Variants in DAB1 observed in about 807,000 individuals in gnomAD.
The protein encoded by DAB1 is disabled homolog 1.
A neutral mutation model predicts 64.6 loss-of-function variants in DAB1; 15 were observed. The observed-to-expected ratio is 0.23, with a 90% CI of 0.16 to 0.36. The LOEUF is 0.36. Ranked by LOEUF, DAB1 falls within the 10% of genes least tolerant of loss-of-function variation. The pLI is 1.00. For missense variants in DAB1, 596 were observed against 706.7 expected (o/e 0.84, Z 1.78); for synonymous variants, 235 against 251.9 (o/e 0.93, Z 0.64).
chr1:57,914,408 C>T (rs1203563700), intron 5 of DAB1, among the ~76,000 whole-genome samples: 2 of 141,614 alleles, frequency 1.4e-5, no homozygotes, highest in Non-Finnish European at 3.0e-5. Context: ...GGGAATATCA[C>T]ACACCAGGGC....
At chr1:57,939,451 CG>C (rs1645072168) in intron 5 of DAB1, among the ~76,000 whole-genome samples, 2 of 152,332 alleles carry the variant, frequency 1.3e-5, no homozygotes, top group African/African-American at 4.8e-5. Context: ...ACCTCAACCA[CG>C]ATGTTCTCTC....
At chr1:57,594,612 A>G (rs955275251) in intron 7 of DAB1, among the ~76,000 whole-genome samples, 1 of 152,208 alleles carries the variant, frequency 6.6e-6, no homozygotes, top group Non-Finnish European at 1.5e-5. Flanking sequence ...CCTAAGCTCA[A>G]TGCTATTTAC....
chr1:57,642,707 T>C (rs1031407693), intron 7 of DAB1, among the ~76,000 whole-genome samples: 4 of 152,210 alleles, frequency 2.6e-5, no homozygotes, highest in African/African-American at 9.7e-5. Flanking sequence ...TTTAATCCTG[T>C]TCTGTTGCTT....
intron 5 of DAB1, among the ~76,000 whole-genome samples, chr1:58,066,650 G>C (rs79207637): frequency 6.6e-6 from 1 of 152,084 alleles, no homozygotes; most frequent in Non-Finnish European, 1.5e-5. Flanking sequence ...GTAGAGCCAG[G>C]CTTCAAATTC....
At chr1:57,836,224 G>A (rs1353154412) in intron 1 of DAB1, among the ~76,000 whole-genome samples, 1 of 152,184 alleles carries the variant, frequency 6.6e-6, no homozygotes, top group Non-Finnish European at 1.5e-5. Flanking sequence ...CAACAGGTGA[G>A]AAATGGAAGC....
chr1:58,268,346 C>T (rs1192262968), intron 4 of DAB1, among the ~76,000 whole-genome samples: 1 of 152,032 alleles, frequency 6.6e-6, no homozygotes, highest in East Asian at 1.9e-4. Context: ...TATAGACCTT[C>T]ATAATTGTTA....
intron 3 of DAB1, among the ~76,000 whole-genome samples, chr1:58,454,886 C>G (rs766103060): frequency 1.3e-5 from 2 of 152,224 alleles, no homozygotes; most frequent in African/African-American, 4.8e-5. Flanking sequence ...TGAAATCCCT[C>G]GCTTATCCTA....
At chr1:58,062,385 T>C (rs981248830) in intron 5 of DAB1, among the ~76,000 whole-genome samples, 2 of 152,222 alleles carry the variant, frequency 1.3e-5, no homozygotes, top group African/African-American at 2.4e-5. Context: ...CTCTATTGCA[T>C]GGTTTTATAT....
chr1:58,544,202 A>G (rs1465249410), intron 1 of DAB1, among the ~76,000 whole-genome samples: 1 of 152,234 alleles, frequency 6.6e-6, no homozygotes, highest in Admixed American at 6.5e-5. Context: ...GAACTTAAAA[A>G]ATTTTAACGA....
chr1:57,659,806 A>G (rs935098845), intron 6 of DAB1, among the ~76,000 whole-genome samples: 17 of 151,810 alleles, frequency 1.1e-4, no homozygotes, highest in Admixed American at 1.1e-3. Context: ...GTGAAACCCC[A>G]TCTCTACTAA....
intron 9 of DAB1, among the ~76,000 whole-genome samples, chr1:57,038,527 G>A (rs1304543768): frequency 2.0e-5 from 3 of 152,092 alleles, no homozygotes; most frequent in Non-Finnish European, 4.4e-5. Flanking sequence ...GTGCCTCTTT[G>A]AGGTTTTGTC....
chr1:57,292,297 T>G (rs2100669303), intron 1 of DAB1, among the ~76,000 whole-genome samples: 1 of 152,262 alleles, frequency 6.6e-6, no homozygotes. Context: ...TAGTAAAGCT[T>G]CAATATGAGG....
At chr1:57,594,811 C>T (rs1163536276) in intron 7 of DAB1, among the ~76,000 whole-genome samples, 1 of 152,086 alleles carries the variant, frequency 6.6e-6, no homozygotes, top group Admixed American at 6.6e-5. Context: ...CCCGGGTTCA[C>T]GCCATTCTCC....
chr1:57,512,803 T>C (rs1644420133), intron 7 of DAB1, among the ~76,000 whole-genome samples: 1 of 152,186 alleles, frequency 6.6e-6, no homozygotes, highest in South Asian at 2.1e-4. Context: ...TGAATGAGAT[T>C]CCCGGTTTAG....
chr1:58,014,829 G>C (rs187023507), intron 5 of DAB1, among the ~76,000 whole-genome samples: 8 of 152,284 alleles, frequency 5.3e-5, no homozygotes, highest in Admixed American at 5.2e-4. Flanking sequence ...ATGTAACAGA[G>C]AGGCTGACAG....
intron 5 of DAB1, among the ~76,000 whole-genome samples, chr1:57,987,210 T>A (rs1557597071): frequency 6.6e-6 from 1 of 152,212 alleles, no homozygotes. Flanking sequence ...GCTCTTCAGA[T>A]AATGGGAACT....
chr1:57,319,377 G>A (rs552960373), intron 1 of DAB1, among the ~76,000 whole-genome samples: 1 of 139,660 alleles, frequency 7.2e-6, no homozygotes, highest in South Asian at 2.2e-4. Flanking sequence ...TGCCTCTTCT[G>A]TGGCAGTTTT....
In DAB1 at chr1:57,302,555, G is replaced by A. The variant is rs143848028; in HGVS notation, c.-136-11389C>T. 2.5e-3 allele frequency among the ~76,000 whole-genome samples: 373 copies of A among 152,082 alleles called. 1 individual carries two copies. Among genetic ancestry groups the A allele is most frequent in the African/African-American group, 8.7e-3 (360 of 41,524 alleles). On this transcript the variant is annotated intron_variant, in intron 1 of 14. Coordinates refer to ENST00000371236, the MANE Select transcript of DAB1 (RefSeq NM_001365792.1). Reference sequence around the variant, plus strand: ...CCTGAGGAGCTGATGCCCATCCCTGGATTCTTATTTAATTGGTTTGAGGTG... The same window carrying A: ...CCTGAGGAGCTGATGCCCATCCCTGAATTCTTATTTAATTGGTTTGAGGTG...
intron 3 of DAB1, among the ~76,000 whole-genome samples, chr1:57,139,630 T>C (rs1044613908): frequency 6.6e-6 from 1 of 152,120 alleles, no homozygotes; most frequent in African/African-American, 2.4e-5. Flanking sequence ...ACACCTTTGG[T>C]CAGGGAGAGA....
Sources: gnomAD v4.1 joint callset for allele counts (sites outside exome capture counted in the v4.1 genomes callset) on GRCh38, gnomAD v4.1.1 for gene constraint, MANE v1.5 for transcripts, NCBI Gene and HGNC (gene_info 2026-07-23, HGNC 2026-07-21) for gene names.